The following GABRG3 variants were observed in gnomAD, a reference collection of about 807,000 sequenced individuals.
GABRG3 encodes gamma-aminobutyric acid type A receptor subunit gamma3, also known as gamma-aminobutyric acid receptor subunit gamma-3.
In GABRG3, 25 loss-of-function variants were observed where a neutral mutation model predicts 48.8. The ratio of observed to expected loss-of-function variants is 0.51; its 90% CI spans 0.37 to 0.72. The LOEUF is 0.72. Among genes scored for constraint, GABRG3 ranks in the 30% least tolerant of loss-of-function variants. GABRG3 has a pLI of 0.00. For synonymous variants in GABRG3, 227 were observed against 217.6 expected (o/e 1.04, Z -0.38); for missense variants, 394 against 577.9 (o/e 0.68, Z 3.26).
At chr15:27,065,935 A>T (rs1232155203) in intron 3 of GABRG3, among the ~76,000 whole-genome samples, 1 of 152,198 alleles carries the variant, frequency 6.6e-6, no homozygotes, top group East Asian at 1.9e-4. Flanking sequence ...AGACATGTCA[A>T]CCTGGATTTA....
At chr15:27,313,310 A>ATATATATG (rs1893093625) in intron 3 of GABRG3, among the ~76,000 whole-genome samples, 1 of 114,000 alleles carries the variant, frequency 8.8e-6, no homozygotes, top group Non-Finnish European at 1.8e-5. Context: ...ATATATATAT[A>ATATATATG]CCCAACATCA....
chr15:27,342,617 A>G (rs36147593), intron 5 of GABRG3, among the ~76,000 whole-genome samples: 21,556 of 152,278 alleles, frequency 0.14, 2,217 homozygotes, highest in Non-Finnish European at 0.21. Flanking sequence ...AGGGACGGGA[A>G]GGATGCCTCT....
chr15:27,264,678 A>T (rs80343242), intron 3 of GABRG3, among the ~76,000 whole-genome samples: 2 of 152,012 alleles, frequency 1.3e-5, no homozygotes, highest in Non-Finnish European at 2.9e-5. Flanking sequence ...ACAACAACAA[A>T]AAAGTAAACT....
chr15:27,132,918 T>G (rs763539286), intron 3 of GABRG3, among the ~76,000 whole-genome samples: 1 of 151,976 alleles, frequency 6.6e-6, no homozygotes, highest in Non-Finnish European at 1.5e-5. Flanking sequence ...CTTTCTTCTT[T>G]TTAATGTAAG....
At chr15:27,198,781 T>C (rs1888588607) in intron 3 of GABRG3, among the ~76,000 whole-genome samples, 1 of 152,020 alleles carries the variant, frequency 6.6e-6, no homozygotes, top group African/African-American at 2.4e-5. Flanking sequence ...ATAAAGAAAA[T>C]GTGGCATATA....
intron 2 of GABRG3, among the ~76,000 whole-genome samples, chr15:26,998,816 G>T (rs1280775396): frequency 6.6e-6 from 1 of 152,134 alleles, no homozygotes; most frequent in East Asian, 1.9e-4. Flanking sequence ...TGGAGGAAGA[G>T]GCCACAGGCT....
chr15:27,251,013 G>A (rs1264842008), intron 3 of GABRG3, among the ~76,000 whole-genome samples: 1 of 152,172 alleles, frequency 6.6e-6, no homozygotes, highest in Non-Finnish European at 1.5e-5. Flanking sequence ...ACACTTGCAG[G>A]TCGCAGAGAA....
At chr15:27,351,937 TGTGTGTTTATC>T (rs966236830) in intron 5 of GABRG3, among the ~76,000 whole-genome samples, 2 of 149,776 alleles carry the variant, frequency 1.3e-5, no homozygotes, top group African/African-American at 4.9e-5. Context: ...GTGTGTATGG[TGTGTGTTTATC>T]GTGTGTGTAT....
At chr15:27,063,805 A>G (rs1896692045) in intron 3 of GABRG3, among the ~76,000 whole-genome samples, 2 of 152,192 alleles carry the variant, frequency 1.3e-5, no homozygotes, top group African/African-American at 2.4e-5. Context: ...CCGCCCCTGC[A>G]GAGCCCCCCA....
chr15:27,483,934 CT>C (rs1021153699), intron 6 of GABRG3, among the ~76,000 whole-genome samples: 8 of 151,984 alleles, frequency 5.3e-5, no homozygotes, highest in African/African-American at 1.9e-4. Flanking sequence ...AAATCACATA[CT>C]TTTTTTTCTT....
chr15:27,036,027 C>T (rs1174304279), intron 3 of GABRG3, among the ~76,000 whole-genome samples: 1 of 152,178 alleles, frequency 6.6e-6, no homozygotes, highest in Non-Finnish European at 1.5e-5. Context: ...TATGGCTGAG[C>T]ACCTGCTATG....
chr15:27,044,919 A>T (rs574320568), intron 3 of GABRG3, among the ~76,000 whole-genome samples: 28 of 152,346 alleles, frequency 1.8e-4, no homozygotes, highest in African/African-American at 6.7e-4. Context: ...ATTTATTTAC[A>T]TACTGAGTTA....
At chr15:27,384,625 T>C (rs901809253) in intron 5 of GABRG3, among the ~76,000 whole-genome samples, 55 of 152,134 alleles carry the variant, frequency 3.6e-4, no homozygotes, top group African/African-American at 1.3e-3. Flanking sequence ...TGGTCCTAAT[T>C]ATTTAGTAAT....
chr15:27,004,703 T>G (rs1895549032), intron 2 of GABRG3, among the ~76,000 whole-genome samples: 1 of 152,276 alleles, frequency 6.6e-6, no homozygotes, highest in Non-Finnish European at 1.5e-5. Flanking sequence ...CTTGATTGTT[T>G]TATGTTTCCC....
At chr15:27,328,198 A>G (rs1893685264) in intron 4 of GABRG3, among the ~76,000 whole-genome samples, 1 of 152,158 alleles carries the variant, frequency 6.6e-6, no homozygotes, top group Admixed American at 6.5e-5. Context: ...AGTTTGTAGA[A>G]GTTGTCTCCT....
chr15:27,307,123 AATATAAACATGTTTATACAT>A (rs1364996843), intron 3 of GABRG3, among the ~76,000 whole-genome samples: 1 of 124,922 alleles, frequency 8.0e-6, no homozygotes, highest in Non-Finnish European at 1.6e-5. Flanking sequence ...ATATAAACAT[AATATAAACATGTTTATACAT>A]ATATAAACAT....
chr15:27,322,266 C>T (rs1021999743), intron 3 of GABRG3, among the ~76,000 whole-genome samples: 1 of 152,188 alleles, frequency 6.6e-6, no homozygotes, highest in African/African-American at 2.4e-5. Flanking sequence ...AAGTGGCATT[C>T]ATGGCAAGAT....
At chr15:27,475,121 C>G (rs932984036) in intron 5 of GABRG3, among the ~76,000 whole-genome samples, 8 of 152,046 alleles carry the variant, frequency 5.3e-5, no homozygotes, top group South Asian at 4.2e-4. Flanking sequence ...CAGAGTTTGA[C>G]TCCATCTCAA....
rs76480134 is a variant in GABRG3 at position 27,235,294 on chromosome 15, A to G, written c.271-91515A>G. Among the ~76,000 whole-genome samples the G allele has an allele frequency of 3.6e-3, 542 of 150,816 alleles. 3 individuals carry two copies. The highest frequency in any genetic ancestry group is 0.013 in the African/African-American group (511 of 40,160). ...AAGATGGTTTGTTCACCTCTGAGAGACAGGAATTTAGAGGTCATAGGTCAA... is the reference window on the plus strand; with the variant it reads ...AAGATGGTTTGTTCACCTCTGAGAGGCAGGAATTTAGAGGTCATAGGTCAA... On this transcript the variant is annotated intron_variant, in intron 3 of 9. Coordinates refer to ENST00000615808, the MANE Select transcript of GABRG3 (RefSeq NM_033223.5).
Sources: allele counts gnomAD v4.1 joint callset (sites outside exome capture counted in the v4.1 genomes callset), GRCh38; gene constraint gnomAD v4.1.1; transcripts MANE v1.5; gene names NCBI Gene and HGNC (gene_info 2026-07-23, HGNC 2026-07-21).